Variants in VOPP1 observed in about 807,000 individuals in gnomAD.
The protein encoded by VOPP1 is WW domain binding protein VOPP1.
A neutral mutation model predicts 23.5 loss-of-function variants in VOPP1; 8 were observed. The ratio of observed to expected loss-of-function variants is 0.34; its 90% confidence interval spans 0.20 to 0.61. The LOEUF is 0.61. VOPP1 is among the 20% of genes least tolerant of loss of function. The pLI is 0.78. For synonymous variants in VOPP1, 83 were observed against 97.3 expected, an observed-to-expected ratio of 0.85 and a Z score of 0.86; for missense variants, 174 against 238.1, an observed-to-expected ratio of 0.73 and a Z score of 1.77.
At chr7:55,511,533 C>A (rs967593024) in intron 2 of VOPP1, among the ~76,000 whole-genome samples, 1 of 152,156 alleles carries the variant, frequency 6.6e-6, no homozygotes, top group Non-Finnish European at 1.5e-5. Flanking sequence ...CTTGAATCCC[C>A]AAATCACTAA....
intron 4 of VOPP1, among the ~76,000 whole-genome samples, chr7:55,436,671 CGTGTGCGT>C (rs1790838000): frequency 6.7e-6 from 1 of 149,286 alleles, no homozygotes; most frequent in African/African-American, 2.4e-5. Flanking sequence ...TGTGTGCGTG[CGTGTGCGT>C]GTGTGCATGT....
At chr7:55,494,032 A>G (rs1793766675) in intron 3 of VOPP1, among the ~76,000 whole-genome samples, 1 of 152,132 alleles carries the variant, frequency 6.6e-6, no homozygotes, top group South Asian at 2.1e-4. Context: ...GGTGGAAAGA[A>G]CACAGAGCAG....
In VOPP1 at chr7:55,539,040, A is replaced by AGGG. The variant is rs60010511; in HGVS notation, c.55-17913_55-17911dup. Among the ~76,000 whole-genome samples, 101 of 47,664 alleles carry AGGG rather than the reference A, an allele frequency of 2.1e-3. 1 individual carries two copies. Among genetic ancestry groups the AGGG allele is most frequent in the African/African-American group, 2.7e-3 (41 of 15,316 alleles). The allele number at this position is 47,664 out of a possible 152,430, so 31.3% of individuals were successfully genotyped here. On this transcript the variant is annotated intron_variant, in intron 1 of 4. Transcript: ENST00000285279. ...TTTTGTTTCATTCCTTTAAAAAAAA[A>AGGG]GGGGGGGGGGGAGGGGCGGGGTGCC...
intron 1 of VOPP1, among the ~76,000 whole-genome samples, chr7:55,539,989 T>A (rs1562612166): frequency 6.6e-6 from 1 of 150,490 alleles, no homozygotes; most frequent in Non-Finnish European, 1.5e-5. Context: ...TTAAGACAGA[T>A]AATCCCCAAC....
intron 1 of VOPP1, chr7:55,537,772 G>T: frequency 7.6e-7 from 1 of 1,323,924 alleles, no homozygotes; most frequent in Non-Finnish European, 9.8e-7. Flanking sequence ...CCCAGGCCCA[G>T]GCCACCAAGG....
chr7:55,549,835 A>G (rs1017274160), intron 1 of VOPP1, among the ~76,000 whole-genome samples: 5 of 152,176 alleles, frequency 3.3e-5, no homozygotes, highest in Admixed American at 1.3e-4. Context: ...CTTTACAAAA[A>G]TCTCACATAT....
At position 55,455,041 on chromosome 7, in the gene VOPP1, T is replaced by C. The variant is rs563508531; in HGVS notation, n.418-18867A>G. Among the ~76,000 whole-genome samples, 8 of 152,216 alleles carry C rather than the reference T, an allele frequency of 5.3e-5. No homozygotes were observed. The East Asian group carries it at 1.2e-3, about 22-fold the overall frequency. ...TTGTCTCTGTTTGCAGACAGCATGA[T>C]TGTATATTTAGAAAACCCCATTGTC... is the stretch of plus-strand genomic sequence containing the variant. On this transcript the variant is annotated intron_variant and non_coding_transcript_variant, in intron 4 of 4. Transcript: ENST00000462326.
chr7:55,559,752 G>A (rs528455959), intron 1 of VOPP1, among the ~76,000 whole-genome samples: 2 of 152,006 alleles, frequency 1.3e-5, no homozygotes, highest in South Asian at 2.1e-4. Flanking sequence ...CTATGTTAAT[G>A]ACTCCATCCC....
At chr7:55,535,244 ACTGTGGGTTT>A (rs1796717041) in intron 1 of VOPP1, among the ~76,000 whole-genome samples, 1 of 152,204 alleles carries the variant, frequency 6.6e-6, no homozygotes, top group African/African-American at 2.4e-5. Context: ...CTCCCCATTC[ACTGTGGGTTT>A]CTCTTTGCTT....
intron 2 of VOPP1, among the ~76,000 whole-genome samples, chr7:55,500,882 T>C (rs968050337): frequency 6.6e-6 from 1 of 152,252 alleles, no homozygotes; most frequent in East Asian, 1.9e-4. Context: ...TTTGCACAGA[T>C]GCTGCCTCTC....
Position 55,508,080 on chromosome 7 carries a change from A to G in VOPP1, c.114-10390T>C, listed in dbSNP as rs184162874. On this transcript the variant is annotated intron_variant, in intron 2 of 4. Coordinates refer to ENST00000285279, the MANE Select transcript of VOPP1 (RefSeq NM_030796.5). ...TTTCTACCATGGGAGAAAGCATTACAAATACTTACTAAAATCACTAATATT... is the reference window on the plus strand; with the variant it reads ...TTTCTACCATGGGAGAAAGCATTACGAATACTTACTAAAATCACTAATATT... 6.9e-4 allele frequency among the ~76,000 whole-genome samples: 105 copies of G among 152,338 alleles called. 1 individual carries two copies. Among genetic ancestry groups the G allele is most frequent in the Non-Finnish European group, 6.0e-4 (41 of 68,034 alleles).
intron 4 of VOPP1, among the ~76,000 whole-genome samples, chr7:55,456,558 T>C (rs189730408): frequency 6.6e-6 from 1 of 152,202 alleles, no homozygotes; most frequent in East Asian, 1.9e-4. Flanking sequence ...CAAATGCCCA[T>C]CAATGGTAGA....
chr7:55,552,580 G>A (rs900958660), intron 1 of VOPP1: 28 of 1,534,754 alleles, frequency 1.8e-5, no homozygotes, highest in East Asian at 2.4e-5. Flanking sequence ...CTAGGAAAAC[G>A]CTAAGTGATT....
intron 4 of VOPP1, among the ~76,000 whole-genome samples, chr7:55,477,705 C>T (rs968468213): frequency 2.0e-5 from 3 of 152,004 alleles, no homozygotes; most frequent in Admixed American, 6.5e-5. Context: ...ACTGGTGGGA[C>T]GGGATTGAAA....
At chr7:55,468,449 G>A (rs1301818856), downstream of VOPP1, among the ~76,000 whole-genome samples, 1 of 152,190 alleles carries the variant, frequency 6.6e-6, no homozygotes, top group Admixed American at 6.5e-5. Context: ...AGGCACCAAG[G>A]AGCTTCCAAG....
intron 2 of VOPP1, among the ~76,000 whole-genome samples, chr7:55,518,912 G>A (rs539883564): frequency 2.6e-4 from 39 of 152,280 alleles, no homozygotes; most frequent in African/African-American, 9.1e-4. Context: ...AGAAAGTTTC[G>A]GCAATGGTTC....
rs117992886 is a variant in VOPP1 at position 55,522,978 on chromosome 7, T to C, written c.55-1848A>G. On this transcript the variant is annotated intron_variant, in intron 1 of 4. Transcript: ENST00000285279. ...ATAATGCCACACTTCTGAATGAACA[T>C]TGTCTCTGGGATACAGGTATATGAG... Among the ~76,000 whole-genome samples the C allele has an allele frequency of 1.3e-3, 192 of 152,350 alleles. 2 individuals carry two copies. Among genetic ancestry groups the C allele is most frequent in the Non-Finnish European group, 1.8e-3 (124 of 68,032 alleles).
At chr7:55,435,602 G>A (rs1029989683), downstream of VOPP1, among the ~76,000 whole-genome samples, 7 of 152,200 alleles carry the variant, frequency 4.6e-5, no homozygotes, top group African/African-American at 1.4e-4. Context: ...CGGCCAGTGC[G>A]CTTCTGGAAG....
chr7:55,501,243 G>C (rs115753480), intron 2 of VOPP1, among the ~76,000 whole-genome samples: 2,490 of 152,192 alleles, frequency 0.016, 74 homozygotes, highest in African/African-American at 0.056. Flanking sequence ...ATAAAGATGC[G>C]ATATGAGGTG....
Sources: allele counts gnomAD v4.1 joint callset (sites outside exome capture counted in the v4.1 genomes callset), GRCh38; gene constraint gnomAD v4.1.1; transcripts MANE v1.5; gene names NCBI Gene and HGNC (gene_info 2026-07-23, HGNC 2026-07-21).